Variants in DOCK4 observed in about 807,000 individuals in gnomAD.
The protein encoded by DOCK4 is dedicator of cytokinesis 4, also known as dedicator of cytokinesis protein 4.
Under a neutral mutation model 268.1 loss-of-function variants are expected in DOCK4, and 97 were observed. The observed-to-expected ratio is 0.36, with a 90% CI of 0.31 to 0.43. The LOEUF (loss-of-function observed/expected upper bound fraction) is 0.43, where lower values mean the gene tolerates loss of function less well. Ranked by LOEUF, DOCK4 falls within the 20% of genes least tolerant of loss-of-function variation. The probability of loss-of-function intolerance (pLI) is 1.00; values close to 1 mark genes in which losing one functional copy is unlikely to be tolerated. For missense variants in DOCK4, 2,145 were observed against 2,455.7 expected, an observed-to-expected ratio of 0.87 and a Z score of 2.67; for synonymous variants, 954 against 887.2, an observed-to-expected ratio of 1.08 and a Z score of -1.34.
rs567590617 is a variant in DOCK4 at position 112,033,492 on chromosome 7, C to T, written c.38-29361G>A. On this transcript the variant is annotated intron_variant, in intron 1 of 52. Transcript: ENST00000428084. ...TCAGCAGTACTTTTCAAGGTGTACC[C>T]TAAATTACTTTCTGAATTTTATTTG... Among the ~76,000 whole-genome samples, 6 of 152,306 alleles carry T rather than the reference C, an allele frequency of 3.9e-5. No homozygotes were observed. The East Asian group carries it at 1.2e-3, about 29-fold the overall frequency.
At chr7:111,735,784 C>G (rs1019704675) in intron 50 of DOCK4, among the ~76,000 whole-genome samples, 7 of 152,146 alleles carry the variant, frequency 4.6e-5, no homozygotes, top group African/African-American at 1.7e-4. Flanking sequence ...GGGCAGGACA[C>G]GCTGGTTGTA....
At chr7:112,165,873 C>G (rs752121238) in intron 1 of DOCK4, among the ~76,000 whole-genome samples, 1 of 152,062 alleles carries the variant, frequency 6.6e-6, no homozygotes, top group Non-Finnish European at 1.5e-5. Context: ...GTCACGTTTC[C>G]CATCCTATGC....
Position 112,018,143 on chromosome 7 carries a change from C to CAAAAAAAAAAAAAAA in DOCK4, c.38-14027_38-14013dup. On this transcript the variant is annotated intron_variant, in intron 1 of 52. Transcript: ENST00000428084. ...TGGGCAACACAGCAAGACTCCAGCT[C>CAAAAAAAAAAAAAAA]AAAAAAAAAAAAAAAAAAAAAAAAA... 2.1e-3 allele frequency among the ~76,000 whole-genome samples: 44 copies of CAAAAAAAAAAAAAAA among 20,636 alleles called. 13 individuals carry two copies. Among genetic ancestry groups the CAAAAAAAAAAAAAAA allele is most frequent in the East Asian group, 0.015 (3 of 198 alleles). 13.5% of individuals were successfully genotyped at this position (20,636 alleles called of 152,430 possible). A position where few individuals can be genotyped will look rare whatever the true frequency, so the allele number is the denominator to read the frequency against.
intron 29 of DOCK4, 57 bp downstream of exon 29, chr7:111,809,244 G>T: frequency 1.5e-6 from 2 of 1,323,166 alleles, no homozygotes; most frequent in South Asian, 1.3e-5. Flanking sequence ...TGAATCATTT[G>T]AACTAAATAC....
intron 1 of DOCK4, among the ~76,000 whole-genome samples, chr7:112,196,410 C>A (rs893829236): frequency 6.6e-6 from 1 of 152,138 alleles, no homozygotes; most frequent in African/African-American, 2.4e-5. Context: ...AAAGCAACTA[C>A]AAAATCACTG....
chr7:111,798,428 C>T (rs192664108), intron 30 of DOCK4, among the ~76,000 whole-genome samples: 381 of 152,350 alleles, frequency 2.5e-3, no homozygotes, highest in Non-Finnish European at 3.9e-3. Flanking sequence ...TCCAGGCCTC[C>T]CCTCTTCCCA....
At chr7:111,861,858 G>GA (rs1805563081) in intron 23 of DOCK4, among the ~76,000 whole-genome samples, 1 of 151,234 alleles carries the variant, frequency 6.6e-6, no homozygotes, top group Admixed American at 6.6e-5. Context: ...TTGTAAAGAA[G>GA]AAAAAACCAT....
chr7:112,146,883 T>C (rs1815560718), intron 1 of DOCK4, among the ~76,000 whole-genome samples: 3 of 152,198 alleles, frequency 2.0e-5, no homozygotes, highest in African/African-American at 7.2e-5. Context: ...TGATTATATT[T>C]TCTCTAAAGA....
intron 37 of DOCK4, among the ~76,000 whole-genome samples, chr7:111,767,609 A>C (rs1267846793): frequency 6.6e-6 from 1 of 152,174 alleles, no homozygotes; most frequent in Non-Finnish European, 1.5e-5. Flanking sequence ...AAATCCTTTG[A>C]ATGCTGGAAA....
intron 1 of DOCK4, among the ~76,000 whole-genome samples, chr7:112,036,044 T>C (rs532161832): frequency 6.6e-6 from 1 of 152,152 alleles, no homozygotes; most frequent in East Asian, 1.9e-4. Context: ...ACCACAGATA[T>C]CTTCACAATA....
chr7:111,913,692 A>G (rs1191219256), intron 13 of DOCK4, among the ~76,000 whole-genome samples: 1 of 149,194 alleles, frequency 6.7e-6, no homozygotes, highest in Non-Finnish European at 1.5e-5. Flanking sequence ...TACAGGCATG[A>G]GCCACCGCGC....
Position 111,834,706 on chromosome 7 carries a change from AGC to A in DOCK4, c.2737-22_2737-21del. ...CTCCCCCTAAGTTAAAAAAAAAAAA[AGC>A]ATACATTTTATTTTTAGTAAGGACG... On this transcript the variant is annotated intron_variant, in intron 25 of 52. Transcript: ENST00000428084. 7.4e-7 allele frequency: 1 copy of A among 1,356,950 alleles called. No homozygotes were observed. The highest frequency in any genetic ancestry group is 1.0e-6 in the Non-Finnish European group (1 of 998,544). 84.1% of individuals were successfully genotyped at this position (1,356,950 alleles called of 1,614,324 possible).
In DOCK4 at chr7:111,767,015, G is replaced by A; in HGVS notation, c.3915+17C>T. 6.3e-7 allele frequency: 1 copy of A among 1,595,316 alleles called. No individual in the cohort carries two copies. The highest frequency in any genetic ancestry group is 8.6e-7 in the Non-Finnish European group (1 of 1,163,230). On this transcript the variant is annotated intron_variant, in intron 38 of 52. Transcript: ENST00000428084. ...AGGGAGGCTATGGCCTGATCAGGATGCATCCAGGCACCTTACCCGCATCTT... is the reference window on the plus strand; with the variant it reads ...AGGGAGGCTATGGCCTGATCAGGATACATCCAGGCACCTTACCCGCATCTT...
chr7:111,819,680 A>T (rs1197007915), intron 27 of DOCK4: 1 of 152,206 alleles, frequency 6.6e-6, no homozygotes, highest in Non-Finnish European at 1.5e-5. Context: ...AAAACAGAGG[A>T]AGAAAGGACC....
At chr7:111,770,717 G>A (rs896486865) in intron 36 of DOCK4, among the ~76,000 whole-genome samples, 2 of 152,192 alleles carry the variant, frequency 1.3e-5, no homozygotes, top group African/African-American at 2.4e-5. Context: ...AAATACTTAT[G>A]TTATTAATCC....
chr7:111,765,240 C>T lies in DOCK4; in HGVS notation c.3916-18G>A. 1 of 1,365,372 alleles carries T rather than the reference C, an allele frequency of 7.3e-7. No individual in the cohort carries two copies. The allele number at this position is 1,365,372 out of a possible 1,614,324, so 84.6% of individuals were successfully genotyped here. A position where few individuals can be genotyped will look rare whatever the true frequency, so the allele number is the denominator to read the frequency against. On this transcript the variant is annotated intron_variant, in intron 38 of 52. Coordinates refer to ENST00000428084, the MANE Select transcript of DOCK4 (RefSeq NM_001363540.2). ...TCCATCATCTAGAAAGCACAGGAAA[C>T]ATTCTAAGCATTTTATCTCATCTTT...
intron 51 of DOCK4, among the ~76,000 whole-genome samples, chr7:111,734,166 T>C (rs948410906): frequency 2.0e-5 from 3 of 152,082 alleles, no homozygotes; most frequent in Admixed American, 6.5e-5. Flanking sequence ...CTCTCAAAAC[T>C]CCTGGGCTCA....
intron 6 of DOCK4, among the ~76,000 whole-genome samples, chr7:111,988,375 G>T (rs948542335): frequency 2.0e-5 from 3 of 152,136 alleles, no homozygotes; most frequent in Non-Finnish European, 4.4e-5. Flanking sequence ...ATCAGCCTCG[G>T]TCAGAGCTTT....
intron 42 of DOCK4, among the ~76,000 whole-genome samples, chr7:111,753,631 T>G (rs537945490): frequency 4.5e-4 from 68 of 152,372 alleles, no homozygotes; most frequent in African/African-American, 1.6e-3. Context: ...CTCTTGGTTT[T>G]CAGATGCTGA....
Sources: allele counts gnomAD v4.1 joint callset (sites outside exome capture counted in the v4.1 genomes callset), GRCh38; gene constraint gnomAD v4.1.1; transcripts MANE v1.5; gene names NCBI Gene and HGNC (gene_info 2026-07-23, HGNC 2026-07-21).